Variants in CDC73 observed in about 807,000 individuals in gnomAD.
CDC73 encodes cell division cycle 73, also known as parafibromin.
CDC73 carries 21 observed loss-of-function variants against 83.7 expected under a neutral mutation model. The observed-to-expected ratio is 0.25, with a 90% confidence interval of 0.18 to 0.36. CDC73 has a LOEUF of 0.36. Among genes scored for constraint, CDC73 ranks in the 10% least tolerant of loss-of-function variants. CDC73 has a pLI of 1.00. For missense variants in CDC73, 342 were observed against 653.3 expected (o/e 0.52, Z 5.19); for synonymous variants, 224 against 212.9 (o/e 1.05, Z -0.45).
intron 7 of CDC73, among the ~76,000 whole-genome samples, chr1:193,143,437 G>C (rs755016652): frequency 6.6e-6 from 1 of 152,054 alleles, no homozygotes; most frequent in Non-Finnish European, 1.5e-5. Context: ...CTAACTTTTA[G>C]ACCAAACATT....
chr1:193,123,111 G>A (rs1290574460), intron 1 of CDC73, among the ~76,000 whole-genome samples: 2 of 152,178 alleles, frequency 1.3e-5, no homozygotes, highest in African/African-American at 2.4e-5. Context: ...TGTCATTGGT[G>A]CATCGCTTCT....
intron 10 of CDC73, chr1:193,181,537 C>T (rs1291701445): frequency 1.2e-6 from 2 of 1,602,266 alleles, no homozygotes; most frequent in South Asian, 1.1e-5. Context: ...TGCAAAGCAG[C>T]AGTGTCTTCT....
At chr1:193,149,271 G>A (rs902094041) in intron 8 of CDC73, among the ~76,000 whole-genome samples, 3 of 152,232 alleles carry the variant, frequency 2.0e-5, no homozygotes, top group Admixed American at 6.5e-5. Context: ...GGACCAGGGG[G>A]AGGTTTTTGG....
chr1:193,208,495 CAT>C (rs1199751927), intron 11 of CDC73, among the ~76,000 whole-genome samples: 1 of 152,232 alleles, frequency 6.6e-6, no homozygotes, highest in African/African-American at 2.4e-5. Flanking sequence ...CTCAACCACA[CAT>C]AGTTTGAGTA....
intron 13 of CDC73, among the ~76,000 whole-genome samples, chr1:193,217,065 C>G (rs917034035): frequency 7.2e-5 from 11 of 152,130 alleles, no homozygotes; most frequent in East Asian, 1.9e-4. Context: ...CCCTATTCAA[C>G]GTAGTACTGA....
At chr1:193,139,009 C>T (rs866174179) in intron 6 of CDC73, among the ~76,000 whole-genome samples, 3 of 151,862 alleles carry the variant, frequency 2.0e-5, no homozygotes, top group East Asian at 1.9e-4. Flanking sequence ...CTCCTGAACT[C>T]GTGATCTGTC....
chr1:193,202,192 C>T (rs1236643104), intron 10 of CDC73, among the ~76,000 whole-genome samples: 1 of 149,046 alleles, frequency 6.7e-6, no homozygotes, highest in Non-Finnish European at 1.5e-5. Context: ...TAATGATTAT[C>T]CGCTGGCTTC....
At chr1:193,214,012 C>T (rs990994676) in intron 13 of CDC73, among the ~76,000 whole-genome samples, 6 of 152,148 alleles carry the variant, frequency 3.9e-5, no homozygotes, top group Admixed American at 1.3e-4. Flanking sequence ...TATGCTTCCC[C>T]GACATTTGAT....
chr1:193,195,070 C>CT (rs1487726551), intron 10 of CDC73, among the ~76,000 whole-genome samples: 3 of 152,206 alleles, frequency 2.0e-5, no homozygotes, highest in Admixed American at 1.3e-4. Context: ...GGTATGGAGT[C>CT]TAAGAAGTCT....
At position 193,178,534 on chromosome 1, in the gene CDC73, A is replaced by T. The variant is rs1208835325; in HGVS notation, c.973-25261A>T. On this transcript the variant is annotated intron_variant, in intron 10 of 16. Transcript: ENST00000367435. ...ACACACACTGTTTTTAAAACTTTTG[A>T]AGCATAAATCAGCATTATTCTACAC... is the stretch of plus-strand genomic sequence containing the variant. 2.0e-5 allele frequency among the ~76,000 whole-genome samples: 3 copies of T among 152,162 alleles called. No homozygotes were observed. The East Asian group carries it at 5.8e-4, about 29-fold the overall frequency.
In CDC73 at chr1:193,130,117, A is replaced by T. The variant is rs924888866; in HGVS notation, c.238-57A>T. On this transcript the variant is annotated intron_variant, in intron 2 of 16. Coordinates refer to ENST00000367435, the MANE Select transcript of CDC73 (RefSeq NM_024529.5). ...ATTCAGACATTACATGTTAATATTTATTAAGTTGTGTATCATTGTTATTCA... is the reference window on the plus strand; with the variant it reads ...ATTCAGACATTACATGTTAATATTTTTTAAGTTGTGTATCATTGTTATTCA... 7 of 813,430 alleles carry T rather than the reference A, an allele frequency of 8.6e-6. No individual in the cohort carries two copies. In the African/African-American group the frequency reaches 1.2e-4, roughly 14 times the overall value. The allele number at this position is 813,430 out of a possible 1,614,324, so 50.4% of individuals were successfully genotyped here. A position where few individuals can be genotyped will look rare whatever the true frequency, so the allele number is the denominator to read the frequency against.
At chr1:193,171,394 A>G (rs1005126774) in intron 10 of CDC73, among the ~76,000 whole-genome samples, 5 of 152,172 alleles carry the variant, frequency 3.3e-5, no homozygotes, top group African/African-American at 7.2e-5. Flanking sequence ...TGTCAACAGC[A>G]ATGTGTTCCT....
intron 10 of CDC73, among the ~76,000 whole-genome samples, chr1:193,170,019 G>A (rs1460021108): frequency 6.6e-6 from 1 of 151,936 alleles, no homozygotes; most frequent in African/African-American, 2.4e-5. Flanking sequence ...TCATCATTTA[G>A]CTGCCACTTA....
intron 13 of CDC73, among the ~76,000 whole-genome samples, chr1:193,217,180 G>C (rs768846566): frequency 6.6e-5 from 10 of 152,032 alleles, no homozygotes; most frequent in Non-Finnish European, 1.3e-4. Flanking sequence ...GCACACCGAC[G>C]GGCAGGCTGT....
intron 13 of CDC73, among the ~76,000 whole-genome samples, chr1:193,227,982 G>T (rs1313189965): frequency 2.0e-5 from 3 of 152,174 alleles, no homozygotes; most frequent in Non-Finnish European, 4.4e-5. Context: ...ATGCTTCTAA[G>T]CTGAGAGTGG....
At chr1:193,229,460 G>C (rs917203286) in intron 13 of CDC73, among the ~76,000 whole-genome samples, 2 of 152,180 alleles carry the variant, frequency 1.3e-5, no homozygotes, top group African/African-American at 2.4e-5. Flanking sequence ...ATCCCAGAGA[G>C]CTTCCTTGCT....
intron 15 of CDC73, among the ~76,000 whole-genome samples, chr1:193,248,830 G>T (rs1229963484): frequency 1.3e-5 from 2 of 152,072 alleles, no homozygotes; most frequent in Non-Finnish European, 2.9e-5. Context: ...TTGAATGGAT[G>T]AGGAGTTCCT....
At chr1:193,217,795 C>A (rs1442012977) in intron 13 of CDC73, among the ~76,000 whole-genome samples, 2 of 152,060 alleles carry the variant, frequency 1.3e-5, no homozygotes, top group African/African-American at 4.8e-5. Flanking sequence ...GGAGCCCTAG[C>A]CAGGGACCAG....
At chr1:193,222,588 T>C (rs1485564186) in intron 13 of CDC73, among the ~76,000 whole-genome samples, 1 of 152,178 alleles carries the variant, frequency 6.6e-6, no homozygotes, top group Non-Finnish European at 1.5e-5. Flanking sequence ...ATGAGGGAAA[T>C]CTGTTCCGTG....
Sources: gnomAD v4.1 joint callset for allele counts (sites outside exome capture counted in the v4.1 genomes callset) on GRCh38, gnomAD v4.1.1 for gene constraint, MANE v1.5 for transcripts, NCBI Gene and HGNC (gene_info 2026-07-23, HGNC 2026-07-21) for gene names.